Variants in DUSP14 observed in about 807,000 individuals in gnomAD.
DUSP14 encodes the protein dual specificity phosphatase 14, also known as dual specificity protein phosphatase 14.
In DUSP14, 5 loss-of-function variants were observed where a neutral mutation model predicts 13.2. The observed-to-expected ratio is 0.38, with a 90% CI of 0.20 to 0.80. The LOEUF (loss-of-function observed/expected upper bound fraction) is 0.80, where lower values mean the gene tolerates loss of function less well. Ranked by LOEUF, DUSP14 falls within the 30% of genes least tolerant of loss-of-function variation. The probability of loss-of-function intolerance (pLI) is 0.44; values close to 1 mark genes in which losing one functional copy is unlikely to be tolerated. For synonymous variants in DUSP14, 91 were observed against 103.4 expected (o/e 0.88, Z 0.73); for missense variants, 185 against 264.0 (o/e 0.70, Z 2.07).
chr17:37,498,314 C>CTTTTTTTTTTTTTTTTTTT (rs765033929), intron 1 of DUSP14, among the ~76,000 whole-genome samples: 1 of 70,558 alleles, frequency 1.4e-5, no homozygotes, highest in African/African-American at 5.9e-5. Flanking sequence ...TAGATTGTAT[C>CTTTTTTTTTTTTTTTTTTT]TTTTTTTTTT....
intron 1 of DUSP14, chr17:37,509,784 G>A (rs1470571163): frequency 6.6e-6 from 1 of 151,918 alleles, no homozygotes; most frequent in Non-Finnish European, 1.5e-5. Flanking sequence ...GGGGGATGAT[G>A]GATGTGTTTA....
At chr17:37,498,152 A>G (rs1482612541) in intron 1 of DUSP14, among the ~76,000 whole-genome samples, 3 of 151,680 alleles carry the variant, frequency 2.0e-5, no homozygotes, top group Admixed American at 1.3e-4. Context: ...ATTTCACATG[A>G]TATTTCTTTT....
At chr17:37,509,243 CTATATATATATATA>C (rs71135736) in intron 1 of DUSP14, among the ~76,000 whole-genome samples, 736 of 44,692 alleles carry the variant, frequency 0.016, 10 homozygotes, top group Non-Finnish European at 0.023. Flanking sequence ...TATATACACA[CTATATATATATATA>C]TATATATATA....
upstream of DUSP14, among the ~76,000 whole-genome samples, chr17:37,489,372 AG>A (rs2054009237): frequency 1.3e-5 from 2 of 152,128 alleles, no homozygotes; most frequent in African/African-American, 2.4e-5. Context: ...AGCGTCAGCC[AG>A]GAACTGCCGC....
upstream of DUSP14, among the ~76,000 whole-genome samples, chr17:37,489,555 G>T (rs1014909232): frequency 6.6e-6 from 1 of 152,090 alleles, no homozygotes; most frequent in Admixed American, 6.5e-5. Context: ...CCAGCAGAGC[G>T]CCCCCGCAGC....
intron 1 of DUSP14, among the ~76,000 whole-genome samples, chr17:37,502,585 TAGGTAGG>T (rs1793187898): frequency 6.6e-6 from 1 of 152,068 alleles, no homozygotes. Flanking sequence ...TCCGAGGCCT[TAGGTAGG>T]AGATTCAAAG....
chr17:37,512,788 A>G lies in DUSP14; in HGVS notation c.516A>G (p.Lys172=). ...ERQLFGKSTV[K]MVQTPYGIVP... ...AGCTCTTTGGGAAGTCGACAGTTAA[A>G]ATGGTACAGACACCTTATGGCATAG... The change falls in exon 3 of 3, where the codon AAA becomes AAG. Residue 172 remains lysine (K), a synonymous_variant. Transcript: ENST00000617516. The surrounding 1 kb of genome is among the most constrained non-coding windows in gnomAD (Gnocchi z 4.8). 6.2e-7 allele frequency: 1 copy of G among 1,613,812 alleles called. No individual in the cohort carries two copies.
chr17:37,509,602 G>A (rs909291996), intron 1 of DUSP14, among the ~76,000 whole-genome samples: 1 of 151,748 alleles, frequency 6.6e-6, no homozygotes, highest in African/African-American at 2.4e-5. Context: ...GATTACAGGC[G>A]TGATCCACCA....
upstream of DUSP14, chr17:37,489,774 G>C (rs1369389793): frequency 1.4e-5 from 2 of 143,972 alleles, no homozygotes; most frequent in Admixed American, 1.4e-4. Flanking sequence ...GCGTCCCCCC[G>C]CCCCGCGTCG....
Position 37,509,104 on chromosome 17 carries a change from C to CAT in DUSP14, c.-180-1549_-180-1548dup, listed in dbSNP as rs1164025226. 4.9e-3 allele frequency among the ~76,000 whole-genome samples: 176 copies of CAT among 36,006 alleles called. 3 individuals are homozygous for CAT. The highest frequency in any genetic ancestry group is 0.011 in the African/African-American group (59 of 5,352). 23.6% of individuals were successfully genotyped at this position (36,006 alleles called of 152,430 possible). On this transcript the variant is annotated intron_variant, in intron 1 of 2. Coordinates refer to ENST00000617516, the MANE Select transcript of DUSP14 (RefSeq NM_007026.4). ...AGCCAGACCAAAAAAAAAAAAAACC[C>CAT]ATATATATATATATATATATATATA...
Position 37,513,242 on chromosome 17 carries a change from TAG to T in DUSP14, c.*377_*378del, listed in dbSNP as rs776097530. 9.3e-6 allele frequency: 2 copies of T among 214,912 alleles called. No individual in the cohort carries two copies. The highest frequency in any genetic ancestry group is 2.0e-5 in the Non-Finnish European group (2 of 99,240). The allele number at this position is 214,912 out of a possible 1,614,324, so 13.3% of individuals were successfully genotyped here. On this transcript the variant is annotated 3_prime_UTR_variant, in exon 3 of 3. Transcript: ENST00000617516. ...TCACTTTGGGGCCTCATTAACCCTT[TAG>T]AGACAAGCTTTGCCCCAGGCTGCGG...
At chr17:37,510,541 C>CA (rs1441632054) in intron 1 of DUSP14, 136 bp from the exon 2 acceptor site, 26 of 152,198 alleles carry the variant, frequency 1.7e-4, no homozygotes, top group African/African-American at 6.0e-4. Flanking sequence ...CCTTTAAATG[C>CA]ACACCTGCGA....
chr17:37,497,171 C>T (rs1568200195), intron 1 of DUSP14, among the ~76,000 whole-genome samples: 3 of 150,918 alleles, frequency 2.0e-5, no homozygotes, highest in African/African-American at 7.3e-5. Flanking sequence ...TTTTTAAAGA[C>T]AGAGTCTCTT....
chr17:37,513,090 G>A lies in DUSP14; in HGVS notation c.*221G>A. On this transcript the variant is annotated 3_prime_UTR_variant, in exon 3 of 3. Transcript: ENST00000617516. ...TTTAAAATTAACATTTTGGAATAGT[G>A]TTTATGGAAATCTTTAGCTTTTAAT... 1.8e-6 allele frequency: 1 copy of A among 545,554 alleles called. No individual in the cohort carries two copies. The highest frequency in any genetic ancestry group is 3.3e-6 in the Non-Finnish European group (1 of 302,424). The allele number at this position is 545,554 out of a possible 1,614,324, so 33.8% of individuals were successfully genotyped here. A position where few individuals can be genotyped will look rare whatever the true frequency, so the allele number is the denominator to read the frequency against.
In DUSP14 at chr17:37,495,668, G is replaced by GT. The variant is rs1555696273; in HGVS notation, c.-181+5720dup. Among the ~76,000 whole-genome samples the GT allele has an allele frequency of 1.7e-3, 257 of 148,092 alleles. 5 individuals carry two copies. Among genetic ancestry groups the GT allele is most frequent in the African/African-American group, 4.0e-3 (160 of 40,424 alleles). On this transcript the variant is annotated intron_variant, in intron 1 of 2. Coordinates refer to ENST00000617516, the MANE Select transcript of DUSP14 (RefSeq NM_007026.4). ...TAAGTTTTGTTTTTTTTGTTTTTTT[G>GT]TTTTTTTTTTGAGACGGAGTCTTGC...
intron 1 of DUSP14, among the ~76,000 whole-genome samples, chr17:37,492,422 A>C (rs1275041696): frequency 6.6e-6 from 1 of 152,250 alleles, no homozygotes; most frequent in Non-Finnish European, 1.5e-5. Flanking sequence ...AAGACAAAGG[A>C]AAGTGTTAAT....
At chr17:37,508,908 A>C (rs1395866250) in intron 1 of DUSP14, among the ~76,000 whole-genome samples, 2 of 148,452 alleles carry the variant, frequency 1.3e-5, no homozygotes, top group Admixed American at 1.3e-4. Flanking sequence ...CTGTACGTGG[A>C]TGCTCATAGC....
At chr17:37,507,733 C>T (rs1157565497) in intron 1 of DUSP14, among the ~76,000 whole-genome samples, 1 of 152,168 alleles carries the variant, frequency 6.6e-6, no homozygotes, top group Admixed American at 6.5e-5. Flanking sequence ...GCCACCGTGT[C>T]TATGGCCAAG....
At chr17:37,492,351 C>G (rs955139823) in intron 1 of DUSP14, among the ~76,000 whole-genome samples, 1 of 152,176 alleles carries the variant, frequency 6.6e-6, no homozygotes, top group African/African-American at 2.4e-5. Flanking sequence ...TGGGTATAAA[C>G]TTACAGAGCT....
Sources: gnomAD v4.1 joint callset for allele counts (sites outside exome capture counted in the v4.1 genomes callset) on GRCh38, gnomAD v4.1.1 for gene constraint, Gnocchi (gnomAD v3.1) non-coding constraint, MANE v1.5 for transcripts, NCBI Gene and HGNC (gene_info 2026-07-23, HGNC 2026-07-21) for gene names.